The following RANBP2 variants were observed in gnomAD, a reference collection of about 807,000 sequenced individuals.
RANBP2 encodes E3 SUMO-protein ligase RanBP2.
In RANBP2, 57 loss-of-function variants were observed where a neutral mutation model predicts 303.6. The ratio of observed to expected loss-of-function variants is 0.19; its 90% CI spans 0.15 to 0.23. The LOEUF is 0.23. Among genes scored for constraint, RANBP2 ranks in the 10% least tolerant of loss-of-function variants. The probability of loss-of-function intolerance (pLI) is 1.00; values close to 1 mark genes in which losing one functional copy is unlikely to be tolerated. For missense variants in RANBP2, 3,138 were observed against 3,780.8 expected (o/e 0.83, Z 4.46); for synonymous variants, 1,167 against 1,301.5 (o/e 0.90, Z 2.23).
At chr2:109,266,780 G>GC in the RANBP2 span, among the ~76,000 whole-genome samples, 1 of 152,100 alleles carries the variant, frequency 6.6e-6, no homozygotes, top group Non-Finnish European at 1.5e-5. Context: ...GTGAGCGTGT[G>GC]CCCACTCGCA....
At chr2:109,222,790 T>C in the RANBP2 span, among the ~76,000 whole-genome samples, 1,382 of 152,332 alleles carry the variant, frequency 9.1e-3, 26 homozygotes, top group African/African-American at 0.032. Flanking sequence ...TTTGGTTTGC[T>C]AAAAGACAAA....
the RANBP2 span, among the ~76,000 whole-genome samples, chr2:109,484,181 C>G: frequency 6.6e-6 from 1 of 151,968 alleles, no homozygotes; most frequent in Admixed American, 6.5e-5. Flanking sequence ...ATTCTCCTGC[C>G]TCAGCCTCCC....
chr2:109,598,713 C>T, the RANBP2 span, among the ~76,000 whole-genome samples: 1 of 151,614 alleles, frequency 6.6e-6, no homozygotes, highest in African/African-American at 2.4e-5. Context: ...CATGGCAGTG[C>T]ATGCCTGTAA....
the RANBP2 span, among the ~76,000 whole-genome samples, chr2:109,213,597 C>T: frequency 6.6e-6 from 1 of 152,198 alleles, no homozygotes; most frequent in Non-Finnish European, 1.5e-5. Flanking sequence ...TGGACACCAG[C>T]TGTGTCCAAC....
the RANBP2 span, among the ~76,000 whole-genome samples, chr2:109,638,199 G>C: frequency 6.6e-6 from 1 of 152,176 alleles, no homozygotes; most frequent in Non-Finnish European, 1.5e-5. Flanking sequence ...GATAACATGG[G>C]AGGTCTTTGT....
chr2:109,338,316 A>C, the RANBP2 span, among the ~76,000 whole-genome samples: 1 of 152,106 alleles, frequency 6.6e-6, no homozygotes, highest in Non-Finnish European at 1.5e-5. Flanking sequence ...GTGTGGCAGA[A>C]TTGAGCTCTT....
the RANBP2 span, among the ~76,000 whole-genome samples, chr2:109,278,010 C>CAAA: frequency 2.5e-3 from 206 of 81,294 alleles, 2 homozygotes; most frequent in Non-Finnish European, 3.7e-3. Context: ...CTGTCTCTAA[C>CAAA]AAAAAAAAAA....
At chr2:108,738,816 G>A (rs1439156075) in intron 6 of RANBP2, among the ~76,000 whole-genome samples, 4 of 151,200 alleles carry the variant, frequency 2.6e-5, no homozygotes, top group African/African-American at 7.3e-5. Flanking sequence ...TTTTAGTAGA[G>A]AAGGGGTTTC....
At chr2:109,301,338 G>A in the RANBP2 span, among the ~76,000 whole-genome samples, 3 of 52,200 alleles carry the variant, frequency 5.7e-5, no homozygotes, top group African/African-American at 1.4e-3. Context: ...TGTGTGACGT[G>A]TGTGTGTGTG....
the RANBP2 span, among the ~76,000 whole-genome samples, chr2:108,927,584 C>T: frequency 5.9e-5 from 9 of 152,140 alleles, no homozygotes; most frequent in Admixed American, 5.9e-4. Flanking sequence ...CAGCATAGGT[C>T]GGCGAGGTTC....
the RANBP2 span, among the ~76,000 whole-genome samples, chr2:109,082,893 T>C: frequency 6.8e-6 from 1 of 147,552 alleles, no homozygotes; most frequent in Non-Finnish European, 1.5e-5. Flanking sequence ...TGGCGCCATC[T>C]CAGCTCACTG....
the RANBP2 span, among the ~76,000 whole-genome samples, chr2:109,028,448 C>G: frequency 6.6e-6 from 1 of 152,178 alleles, no homozygotes; most frequent in African/African-American, 2.4e-5. Flanking sequence ...CCCTGGCTTC[C>G]CCGTTGCTGG....
the RANBP2 span, among the ~76,000 whole-genome samples, chr2:109,714,164 T>C: frequency 6.6e-6 from 1 of 152,132 alleles, no homozygotes; most frequent in Non-Finnish European, 1.5e-5. Flanking sequence ...AACTGCAACC[T>C]CTACCTCTGG....
chr2:109,335,026 A>G, the RANBP2 span, among the ~76,000 whole-genome samples: 1 of 152,224 alleles, frequency 6.6e-6, no homozygotes, highest in Non-Finnish European at 1.5e-5. Context: ...TTGGCGACTT[A>G]CATGTGCTCC....
the RANBP2 span, among the ~76,000 whole-genome samples, chr2:109,305,220 C>A: frequency 6.6e-6 from 1 of 152,142 alleles, no homozygotes; most frequent in Non-Finnish European, 1.5e-5. Context: ...TCTTTCTCAG[C>A]TGGTTTTAAC....
chr2:109,658,881 A>G, the RANBP2 span, among the ~76,000 whole-genome samples: 1 of 152,184 alleles, frequency 6.6e-6, no homozygotes, highest in Non-Finnish European at 1.5e-5. Context: ...CCTGGCCAAC[A>G]TGGTGAAACC....
the RANBP2 span, among the ~76,000 whole-genome samples, chr2:109,677,827 T>C: frequency 2.0e-5 from 3 of 152,224 alleles, no homozygotes; most frequent in Non-Finnish European, 4.4e-5. Flanking sequence ...ATACAGTTTT[T>C]TGTTTGTTTC....
the RANBP2 span, among the ~76,000 whole-genome samples, chr2:109,688,674 G>A: frequency 6.6e-6 from 1 of 150,764 alleles, no homozygotes; most frequent in African/African-American, 2.4e-5. Context: ...AGCTACTCAG[G>A]AGGCTGAGGC....
At chr2:109,333,158 G>A in the RANBP2 span, among the ~76,000 whole-genome samples, 1 of 152,204 alleles carries the variant, frequency 6.6e-6, no homozygotes, top group Non-Finnish European at 1.5e-5. Context: ...GATCTTGCTC[G>A]CGGCAGCACC....
Sources: allele counts gnomAD v4.1 joint callset (sites outside exome capture counted in the v4.1 genomes callset), GRCh38; gene constraint gnomAD v4.1.1; transcripts MANE v1.5; gene names NCBI Gene and HGNC (gene_info 2026-07-23, HGNC 2026-07-21).